CAMTA1: variants seen among roughly 807,000 people sequenced by gnomAD.
CAMTA1 encodes the protein calmodulin binding transcription activator 1, also known as calmodulin-binding transcription activator 1.
In CAMTA1, 27 loss-of-function variants were observed where a neutral mutation model predicts 170.9. The ratio of observed to expected loss-of-function variants is 0.16; its 90% CI spans 0.12 to 0.22. The LOEUF (loss-of-function observed/expected upper bound fraction) is 0.22. Ranked by LOEUF, CAMTA1 falls within the 10% of genes least tolerant of loss-of-function variation. The pLI, the probability that CAMTA1 is intolerant of heterozygous loss-of-function variation, is 1.00. For missense variants in CAMTA1, 1,619 were observed against 2,217.2 expected, an observed-to-expected ratio of 0.73 and a Z score of 5.42; for synonymous variants, 833 against 891.5, an observed-to-expected ratio of 0.93 and a Z score of 1.17.
chr1:6,941,118 G>A lies in CAMTA1; in HGVS notation c.234+115908G>A, dbSNP rs531902677. 5.3e-4 allele frequency among the ~76,000 whole-genome samples: 81 copies of A among 152,158 alleles called. 3 individuals are homozygous for A. The South Asian group carries it at 9.1e-3, about 17-fold the overall frequency. On this transcript the variant is annotated intron_variant, in intron 3 of 22. Transcript: ENST00000303635. ...CAGAGCAGGGATGGAACTGAGGTTC[G>A]CCGACTTCCAGTCCCTGGTGTTTCC...
rs2094960093 is a variant in CAMTA1 at position 7,561,768 on chromosome 1, G to A, written c.511-78632G>A. Among the ~76,000 whole-genome samples the A allele has an allele frequency of 6.6e-6, 1 of 151,994 alleles. No homozygotes were observed. The highest frequency in any genetic ancestry group is 2.4e-5 in the African/African-American group (1 of 41,378). ...AGGCCACCCCTCCCCAGCCCAACAG[G>A]CCATGGTGTTAGCCTCTCCACGCTA... On this transcript the variant is annotated intron_variant, in intron 6 of 22. Transcript: ENST00000303635. This position sits in a 1 kb window ranked among gnomAD's most constrained non-coding sequence, Gnocchi z 5.3.
chr1:6,790,013 C>T (rs931705693), intron 1 of CAMTA1, among the ~76,000 whole-genome samples: 1 of 151,328 alleles, frequency 6.6e-6, no homozygotes, highest in Admixed American at 6.6e-5. Context: ...GGGGTTTCAC[C>T]ATGTTGGTCA....
chr1:7,682,088 T>C lies in CAMTA1; in HGVS notation c.2914+4355T>C, dbSNP rs2096212029. On this transcript the variant is annotated intron_variant, in intron 11 of 22. Coordinates refer to ENST00000303635, the MANE Select transcript of CAMTA1 (RefSeq NM_015215.4). The surrounding 1 kb of genome is among the most constrained non-coding windows in gnomAD (Gnocchi z 5.0). ...AGGCAACTGAGCCTCCTTGCCTGGG[T>C]GAGAGGATTGGAGTGAGACCTGCGT... Among the ~76,000 whole-genome samples, 1 of 149,936 alleles carries C rather than the reference T, an allele frequency of 6.7e-6. No individual in the cohort carries two copies. Among genetic ancestry groups the C allele is most frequent in the Non-Finnish European group, 1.5e-5 (1 of 67,798 alleles).
intron 3 of CAMTA1, among the ~76,000 whole-genome samples, chr1:6,914,195 C>G (rs1272196984): frequency 1.3e-5 from 2 of 150,586 alleles, no homozygotes; most frequent in African/African-American, 4.9e-5. Flanking sequence ...ACCTCTGCCT[C>G]CCGGGTTCAA....
chr1:7,112,070 GTT>G lies in CAMTA1; in HGVS notation c.302+20700_302+20701del, dbSNP rs547877688. ...GGTCTCTCTCTGTCCAGAAGGGGGT[GTT>G]GGTATCTTATTAACCCCTTATCTGG... On this transcript the variant is annotated intron_variant, in intron 4 of 22. Coordinates refer to ENST00000303635, the MANE Select transcript of CAMTA1 (RefSeq NM_015215.4). 2.0e-4 allele frequency among the ~76,000 whole-genome samples: 31 copies of G among 152,228 alleles called. No homozygotes were observed. The East Asian group carries it at 5.4e-3, about 27-fold the overall frequency.
chr1:7,608,947 G>A (rs1238064290), intron 6 of CAMTA1, among the ~76,000 whole-genome samples: 4 of 152,096 alleles, frequency 2.6e-5, no homozygotes, highest in Non-Finnish European at 5.9e-5. Flanking sequence ...TTTTCTAGAA[G>A]GACATTCTAT....
chr1:7,685,832 C>T lies in CAMTA1; in HGVS notation c.2914+8099C>T, dbSNP rs1558130024. On this transcript the variant is annotated intron_variant, in intron 11 of 22. Transcript: ENST00000303635. This position sits in a 1 kb window ranked among gnomAD's most constrained non-coding sequence, Gnocchi z 5.7. ...GCAAGCCAGTAGGTCCCAGACAGGACAAATGGCCGTTCTTTCTGTTTTCCC... is the reference window on the plus strand; with the variant it reads ...GCAAGCCAGTAGGTCCCAGACAGGATAAATGGCCGTTCTTTCTGTTTTCCC... Among the ~76,000 whole-genome samples, 1 of 152,180 alleles carries T rather than the reference C, an allele frequency of 6.6e-6. No homozygotes were observed. The highest frequency in any genetic ancestry group is 1.5e-5 in the Non-Finnish European group (1 of 68,038).
intron 4 of CAMTA1, among the ~76,000 whole-genome samples, chr1:7,133,316 C>T (rs1158748400): frequency 6.6e-6 from 1 of 152,068 alleles, no homozygotes; most frequent in East Asian, 1.9e-4. Flanking sequence ...CTTAGTACTT[C>T]GTGTCTTTTA....
chr1:6,877,652 A>C (rs1257926922), intron 3 of CAMTA1, among the ~76,000 whole-genome samples: 1 of 152,192 alleles, frequency 6.6e-6, no homozygotes, highest in Non-Finnish European at 1.5e-5. Context: ...ACACATCTTC[A>C]GGTGGGGTCG....
chr1:7,166,258 G>A (rs182975052), intron 4 of CAMTA1, among the ~76,000 whole-genome samples: 2 of 152,054 alleles, frequency 1.3e-5, no homozygotes, highest in Non-Finnish European at 1.5e-5. Flanking sequence ...AGTAGAGACA[G>A]GGTTTCACCA....
intron 11 of CAMTA1, among the ~76,000 whole-genome samples, chr1:7,703,672 A>C (rs934833743): frequency 1.8e-4 from 28 of 152,198 alleles, no homozygotes; most frequent in African/African-American, 6.8e-4. Context: ...TTTACAGATA[A>C]TTGACTGTAT....
At chr1:7,643,781 T>A (rs1301636993) in intron 7 of CAMTA1, among the ~76,000 whole-genome samples, 1 of 152,204 alleles carries the variant, frequency 6.6e-6, no homozygotes, top group East Asian at 1.9e-4. Flanking sequence ...CGGGCGTGCG[T>A]GTGCACGGCT....
intron 4 of CAMTA1, among the ~76,000 whole-genome samples, chr1:7,214,780 A>G (rs929106924): frequency 2.0e-5 from 3 of 151,776 alleles, no homozygotes; most frequent in Non-Finnish European, 4.4e-5. Context: ...ATTTTCTCCT[A>G]TGTTTTAAGC....
chr1:7,743,104 C>T (rs1031885764), intron 16 of CAMTA1, among the ~76,000 whole-genome samples: 4 of 152,172 alleles, frequency 2.6e-5, no homozygotes, highest in South Asian at 2.1e-4. Context: ...CCACCCGCCT[C>T]GGCCTCACAA....
At chr1:7,080,074 A>G (rs1163782054) in intron 3 of CAMTA1, among the ~76,000 whole-genome samples, 1 of 152,210 alleles carries the variant, frequency 6.6e-6, no homozygotes, top group Non-Finnish European at 1.5e-5. Context: ...TATGTAAATT[A>G]TATCTCCATG....
At chr1:6,827,361 T>G (rs572339510) in intron 3 of CAMTA1, among the ~76,000 whole-genome samples, 7 of 152,312 alleles carry the variant, frequency 4.6e-5, no homozygotes, top group African/African-American at 1.7e-4. Context: ...TGACAAAAGC[T>G]CCTATGAGGG....
intron 3 of CAMTA1, among the ~76,000 whole-genome samples, chr1:6,856,080 T>TG (rs1290360806): frequency 6.6e-6 from 1 of 152,076 alleles, no homozygotes; most frequent in Non-Finnish European, 1.5e-5. Context: ...AGTGGGATGC[T>TG]GGGGGGAGCT....
At chr1:6,799,360 T>G (rs1329656064) in intron 1 of CAMTA1, among the ~76,000 whole-genome samples, 1 of 152,230 alleles carries the variant, frequency 6.6e-6, no homozygotes, top group African/African-American at 2.4e-5. Context: ...TGAGCCGCTG[T>G]GCCTGGCTTG....
chr1:7,227,225 G>A (rs754068921), intron 4 of CAMTA1, among the ~76,000 whole-genome samples: 3 of 152,140 alleles, frequency 2.0e-5, no homozygotes, highest in South Asian at 2.1e-4. Flanking sequence ...GCCCCTGTCC[G>A]CCCAAATTAG....
Sources: gnomAD v4.1 joint callset for allele counts (sites outside exome capture counted in the v4.1 genomes callset) on GRCh38, gnomAD v4.1.1 for gene constraint, Gnocchi (gnomAD v3.1) non-coding constraint, MANE v1.5 for transcripts, NCBI Gene and HGNC (gene_info 2026-07-23, HGNC 2026-07-21) for gene names.